The following ASPG variants were observed in gnomAD, a reference collection of about 807,000 sequenced individuals.
ASPG encodes the protein asparaginase, also known as 60 kDa lysophospholipase.
ASPG carries 53 observed loss-of-function variants against 63.2 expected under a neutral mutation model. The ratio of observed to expected loss-of-function variants is 0.84; its 90% confidence interval spans 0.67 to 1.05. ASPG has a LOEUF of 1.05. Ranked by LOEUF, ASPG falls within the 50% of genes least tolerant of loss-of-function variation. ASPG has a pLI of 0.00. For synonymous variants in ASPG, 370 were observed against 355.0 expected (o/e 1.04, Z -0.48); for missense variants, 741 against 794.4 (o/e 0.93, Z 0.81).
In ASPG at chr14:104,112,635, TC is replaced by T; in HGVS notation, c.*94del. ...GCATGACCCCACTGCTGGGGCTGCT[TC>T]CCAGCCTGCTCTCATGTAAAGCCTG... On this transcript the variant is annotated 3_prime_UTR_variant, in exon 16 of 16. Coordinates refer to ENST00000551177, the MANE Select transcript of ASPG (RefSeq NM_001080464.3). 1 of 1,561,436 alleles carries T rather than the reference TC, an allele frequency of 6.4e-7. No individual in the cohort carries two copies. Among genetic ancestry groups the T allele is most frequent in the Non-Finnish European group, 8.6e-7 (1 of 1,158,556 alleles).
chr14:104,107,862 C>T (rs752758284), intron 12 of ASPG, among the ~76,000 whole-genome samples: 8 of 152,080 alleles, frequency 5.3e-5, no homozygotes, highest in Non-Finnish European at 1.0e-4. Flanking sequence ...TCCCGTCTCC[C>T]CTTCCTACTC....
chr14:104,107,435 G>A, intron 12 of ASPG, 90 bp downstream of exon 12: 3 of 1,262,802 alleles, frequency 2.4e-6, no homozygotes, highest in South Asian at 2.5e-5. Flanking sequence ...TCCCGGGGCT[G>A]GGCTGGGAGA....
At chr14:104,093,450 G>C in intron 2 of ASPG, 41 bp from the exon 3 acceptor site, 1 of 1,520,116 alleles carries the variant, frequency 6.6e-7, no homozygotes, top group Non-Finnish European at 9.1e-7. Context: ...GGTGCAGAGC[G>C]GGAGCCTGCT....
At chr14:104,098,688 G>A (rs1348044144) in intron 5 of ASPG, among the ~76,000 whole-genome samples, 165 bp from the exon 6 acceptor site, 1 of 152,154 alleles carries the variant, frequency 6.6e-6, no homozygotes, top group Non-Finnish European at 1.5e-5. Context: ...GCCCGAGAGG[G>A]GCAGTACCTG....
chr14:104,094,200 C>T (rs993733767), intron 3 of ASPG, among the ~76,000 whole-genome samples: 4 of 151,956 alleles, frequency 2.6e-5, no homozygotes, highest in Admixed American at 2.0e-4. Context: ...GAGGACACAA[C>T]GGGAACAGTT....
Position 104,106,847 on chromosome 14 carries a change from G to T in ASPG, c.1222G>T (p.Ala408Ser). 1 of 1,600,670 alleles carries T rather than the reference G, an allele frequency of 6.2e-7. No individual in the cohort carries two copies. Among genetic ancestry groups the T allele is most frequent in the Non-Finnish European group, 8.5e-7 (1 of 1,175,434 alleles). ...CCTGGTGCCCAGCCTGGCCTGTGCTGCTGCCCACGCCGGTGACGTGGAGGC... is the reference window on the plus strand; with the variant it reads ...CCTGGTGCCCAGCCTGGCCTGTGCTTCTGCCCACGCCGGTGACGTGGAGGC... ...NALVPSLACA[A>S]AHAGDVEALQ... The change falls in exon 11 of 16, where the codon GCT becomes TCT. Residue 408 changes from alanine to serine, a missense_variant. By Grantham distance (99) the Ala-to-Ser change is moderately conservative. Coordinates refer to ENST00000551177, the MANE Select transcript of ASPG (RefSeq NM_001080464.3).
rs117517457 is a variant in ASPG, at chr14:104,095,503, C to A, written c.304-28C>A. 1.5e-3 allele frequency: 2,492 copies of A among 1,611,208 alleles called. 17 individuals are homozygous for A. Among genetic ancestry groups the A allele is most frequent in the Middle Eastern group, 0.011 (66 of 6,032 alleles). ...CCCACACCTGCTTGCGAGGGGCTGGCCTGCCTGAGCATGCGCCCCTCCTGC... is the reference window on the plus strand; with the variant it reads ...CCCACACCTGCTTGCGAGGGGCTGGACTGCCTGAGCATGCGCCCCTCCTGC... On this transcript the variant is annotated intron_variant, in intron 3 of 15. Coordinates refer to ENST00000551177, the MANE Select transcript of ASPG (RefSeq NM_001080464.3).
Position 104,097,585 on chromosome 14 carries a change from G to T in ASPG, c.461G>T (p.Arg154Leu). ...VPIHALWSDG[R>L]ENLLGALLMA... is the part of the protein sequence containing the mutation. Reference sequence around the variant, plus strand: ...ATCCATGCCCTGTGGAGCGACGGCCGTGAGAACCTGCTGGGGGCACTGCTC... The same window carrying T: ...ATCCATGCCCTGTGGAGCGACGGCCTTGAGAACCTGCTGGGGGCACTGCTC... Residue 154 changes from arginine (R) to leucine (L), a missense_variant, in exon 5 of 16, where the codon CGT becomes CTT. By Grantham distance (102) the Arg-to-Leu change is moderately radical. Transcript: ENST00000551177. 6.4e-7 allele frequency: 1 copy of T among 1,561,414 alleles called. No individual in the cohort carries two copies.
intron 4 of ASPG, among the ~76,000 whole-genome samples, chr14:104,096,853 C>T (rs2036617312): frequency 6.6e-6 from 1 of 152,214 alleles, no homozygotes; most frequent in Non-Finnish European, 1.5e-5. Context: ...GGGCTCTCTC[C>T]CTCCAGAGCC....
chr14:104,099,663 C>T lies in ASPG; in HGVS notation c.640+684C>T, dbSNP rs945383769. ...CCGGCCCCTGCCTGTTCCAGGTCCA[C>T]GGCCAGCATGGCCAGTCCTGACCCC... On this transcript the variant is annotated intron_variant, in intron 6 of 15. Coordinates refer to ENST00000551177, the MANE Select transcript of ASPG (RefSeq NM_001080464.3). Among the ~76,000 whole-genome samples the T allele has an allele frequency of 9.2e-5, 14 of 152,252 alleles. No homozygotes were observed. In the East Asian group the frequency reaches 9.6e-4, roughly 10 times the overall value.
At chr14:104,089,571 C>T (rs141897726) in intron 1 of ASPG, among the ~76,000 whole-genome samples, 1,972 of 152,184 alleles carry the variant, frequency 0.013, 12 homozygotes, top group Middle Eastern at 0.017. Flanking sequence ...TGGCTGCTGA[C>T]GTACAACACA....
chr14:104,087,905 G>T (rs2036263286), intron 1 of ASPG, among the ~76,000 whole-genome samples: 1 of 152,242 alleles, frequency 6.6e-6, no homozygotes, highest in Non-Finnish European at 1.5e-5. Flanking sequence ...CTTGGAGGCT[G>T]GAAATTGGGT....
At chr14:104,090,296 C>A (rs928681281) in intron 1 of ASPG, among the ~76,000 whole-genome samples, 2 of 152,242 alleles carry the variant, frequency 1.3e-5, no homozygotes, top group African/African-American at 4.8e-5. Context: ...GAGTCAGCAG[C>A]AGCTGGAGGT....
In ASPG at chr14:104,107,313, C is replaced by T. The variant is rs1156311921; in HGVS notation, c.1401C>T (p.Gly467=). ...ACGTGAACACCCGGGACACGGATGGCTTCAGCCCGCTGCTGCTGGCCGTGC... is the reference window on the plus strand; with the variant it reads ...ACGTGAACACCCGGGACACGGATGGTTTCAGCCCGCTGCTGCTGGCCGTGC... ...GVDVNTRDTD[G]FSPLLLAVRG... is the part of the protein sequence containing the mutation. The change falls in exon 12 of 16, where the codon GGC becomes GGT. Residue 467 remains glycine, a synonymous_variant. Transcript: ENST00000551177. 1.1e-5 allele frequency: 18 copies of T among 1,596,794 alleles called. No individual in the cohort carries two copies. The highest frequency in any genetic ancestry group is 2.7e-5 in the African/African-American group (2 of 74,598).
chr14:104,101,771 G>A (rs1286002279), intron 6 of ASPG, among the ~76,000 whole-genome samples: 2 of 152,168 alleles, frequency 1.3e-5, no homozygotes, highest in Non-Finnish European at 2.9e-5. Context: ...CCTCCCAGAC[G>A]TGACCCAGCC....
chr14:104,104,271 T>C (rs1194426239), intron 7 of ASPG, 33 bp from the exon 8 acceptor site: 3 of 1,590,584 alleles, frequency 1.9e-6, no homozygotes, highest in Non-Finnish European at 1.7e-6. Context: ...GCAGAGACCC[T>C]CACCATCCAG....
intron 1 of ASPG, among the ~76,000 whole-genome samples, chr14:104,087,643 G>A (rs897114652): frequency 6.6e-6 from 1 of 152,200 alleles, no homozygotes; most frequent in Non-Finnish European, 1.5e-5. Flanking sequence ...GACTCTGTGT[G>A]GGGCCTCGTC....
Position 104,115,457 on chromosome 14 carries a change from G to C in ASPG, c.*2913G>C, listed in dbSNP as rs1031225409. On this transcript the variant is annotated 3_prime_UTR_variant, in exon 16 of 16. Transcript: ENST00000551177. ...TAAGGAGTGGTGGCCAGGCTTGGTG[G>C]CTCACACCTGCAATCCCAGCACTTT... 1 of 152,302 alleles carries C rather than the reference G, an allele frequency of 6.6e-6. No homozygotes were observed. The highest frequency in any genetic ancestry group is 1.5e-5 in the Non-Finnish European group (1 of 68,112). The allele number at this position is 152,302 out of a possible 1,614,324, so 9.4% of individuals were successfully genotyped here. A position where few individuals can be genotyped will look rare whatever the true frequency, so the allele number is the denominator to read the frequency against.
intron 6 of ASPG, 134 bp from the exon 7 acceptor site, chr14:104,103,429 G>A: frequency 1.4e-6 from 1 of 738,872 alleles, no homozygotes; most frequent in South Asian, 1.9e-5. Flanking sequence ...GGCAGGGCGA[G>A]GGGGCTGAGC....
Sources: allele counts gnomAD v4.1 joint callset (sites outside exome capture counted in the v4.1 genomes callset), GRCh38; gene constraint gnomAD v4.1.1; transcripts MANE v1.5; gene names NCBI Gene and HGNC (gene_info 2026-07-23, HGNC 2026-07-21).